The following RAB40B variants were observed in gnomAD, a reference collection of about 807,000 sequenced individuals.
RAB40B encodes RAB40B, member RAS oncogene family.
In RAB40B, 21 loss-of-function variants were observed where a neutral mutation model predicts 24.0. The observed-to-expected ratio is 0.88, with a 90% CI of 0.62 to 1.26. The LOEUF (loss-of-function observed/expected upper bound fraction) is 1.26. Ranked by LOEUF, RAB40B falls within the 50% of genes most tolerant of loss-of-function variation. The pLI, the probability that RAB40B is intolerant of heterozygous loss-of-function variation, is 0.00. For missense variants in RAB40B, 348 were observed against 390.5 expected (o/e 0.89, Z 0.92); for synonymous variants, 167 against 169.8 (o/e 0.98, Z 0.13).
chr17:82,670,851 G>A (rs961544441), intron 1 of RAB40B, among the ~76,000 whole-genome samples: 1 of 151,938 alleles, frequency 6.6e-6, no homozygotes, highest in Non-Finnish European at 1.5e-5. Context: ...GTCTTTTTAA[G>A]CGCCCTACGA....
Position 82,674,761 on chromosome 17 carries a change from C to T in RAB40B, c.143-10205G>A, listed in dbSNP as rs144596040. 1.4e-3 allele frequency among the ~76,000 whole-genome samples: 206 copies of T among 152,256 alleles called. 1 individual carries two copies. Among genetic ancestry groups the T allele is most frequent in the African/African-American group, 4.1e-3 (170 of 41,560 alleles). ...TCACTCTGGCATCGCAGGCAACGTT[C>T]GTATGGTTTGGAGTTGCTGCCGGCC... On this transcript the variant is annotated intron_variant, in intron 1 of 5. Transcript: ENST00000571995.
At chr17:82,674,068 C>T (rs113068696) in intron 1 of RAB40B, among the ~76,000 whole-genome samples, 2,001 of 152,312 alleles carry the variant, frequency 0.013, 53 homozygotes, top group African/African-American at 0.044. Context: ...TGGCCAGGCG[C>T]GGTGGCTCGC....
In RAB40B at chr17:82,661,124, C is replaced by T. The variant is rs1005230889; in HGVS notation, c.204-77G>A. The stretch of plus-strand genomic sequence containing the variant: ...AACAGGTTCTGGAACTTCAGAGCCA[C>T]AGCAAGTGCACCACACACCCGCCAG... On this transcript the variant is annotated intron_variant, in intron 2 of 5. Transcript: ENST00000571995. 4.2e-5 allele frequency: 64 copies of T among 1,536,758 alleles called. No individual in the cohort carries two copies. In the Middle Eastern group the frequency reaches 8.5e-4, roughly 20 times the overall value.
intron 4 of RAB40B, chr17:82,659,342 C>T (rs527431128): frequency 2.4e-5 from 13 of 534,256 alleles, no homozygotes; most frequent in Non-Finnish European, 4.0e-5. Context: ...CGAGGTACGC[C>T]GTGGACGCTC....
chr17:82,672,960 T>G (rs748773903), intron 1 of RAB40B, among the ~76,000 whole-genome samples: 58 of 152,076 alleles, frequency 3.8e-4, no homozygotes, highest in Admixed American at 3.3e-4. Flanking sequence ...TCCCAGCACT[T>G]TGGGAGGTCA....
intron 1 of RAB40B, among the ~76,000 whole-genome samples, chr17:82,695,828 T>A (rs1320439252): frequency 6.6e-6 from 1 of 152,202 alleles, no homozygotes; most frequent in Non-Finnish European, 1.5e-5. Context: ...ACACCCGTGA[T>A]ATCAGTTTTT....
At chr17:82,662,185 G>C (rs1305283170) in intron 2 of RAB40B, 3 of 985,344 alleles carry the variant, frequency 3.0e-6, no homozygotes, top group African/African-American at 1.7e-5. Flanking sequence ...TGGGGCTCCA[G>C]AGGGGACCAG....
chr17:82,683,927 C>T (rs1428786956), intron 1 of RAB40B, among the ~76,000 whole-genome samples: 1 of 151,584 alleles, frequency 6.6e-6, no homozygotes, highest in Non-Finnish European at 1.5e-5. Context: ...ATTAAAATTA[C>T]AATAAGATAC....
intron 2 of RAB40B, chr17:82,661,379 T>C: frequency 1.3e-6 from 1 of 760,026 alleles, no homozygotes; most frequent in Non-Finnish European, 1.7e-6. Flanking sequence ...CAGTAAGGAG[T>C]GTGGGTCTAC....
intron 1 of RAB40B, among the ~76,000 whole-genome samples, chr17:82,682,118 C>T (rs1456805055): frequency 2.3e-5 from 1 of 43,910 alleles, no homozygotes; most frequent in African/African-American, 5.8e-5. Context: ...CACACACACG[C>T]ATGCACACAC....
intron 1 of RAB40B, among the ~76,000 whole-genome samples, chr17:82,677,407 G>A (rs759471997): frequency 9.9e-5 from 15 of 152,118 alleles, no homozygotes; most frequent in Non-Finnish European, 1.9e-4. Context: ...GGTTTCTCCC[G>A]TCCCAACAGG....
At chr17:82,664,983 T>C (rs1405995246) in intron 1 of RAB40B, 4 of 183,370 alleles carry the variant, frequency 2.2e-5, no homozygotes, top group Non-Finnish European at 3.5e-5. Context: ...GGAACGGGGC[T>C]AAGGCAGCGG....
At position 82,697,735 on chromosome 17, in the gene RAB40B, C is replaced by T. The variant is rs1330454706; in HGVS notation, c.142+720G>A. Among the ~76,000 whole-genome samples, 1 of 152,200 alleles carries T rather than the reference C, an allele frequency of 6.6e-6. No homozygotes were observed. Among genetic ancestry groups the T allele is most frequent in the African/African-American group, 2.4e-5 (1 of 41,452 alleles). ...AGCCGTCCACCCCCTCGCCGGGCGC[C>T]GGCTTTCAAGCCTCAAACTTGGGGG... On this transcript the variant is annotated intron_variant, in intron 1 of 5. Transcript: ENST00000571995. The surrounding 1 kb of genome is among the most constrained non-coding windows in gnomAD (Gnocchi z 4.9).
intron 2 of RAB40B, among the ~76,000 whole-genome samples, 167 bp downstream of exon 2, chr17:82,664,329 G>A (rs1471519779): frequency 6.1e-5 from 9 of 146,974 alleles, no homozygotes; most frequent in Non-Finnish European, 1.2e-4. Context: ...GGTGCTCCCC[G>A]GGGTGCTGTG....
Position 82,657,585 on chromosome 17 carries a change from T to G in RAB40B, c.*278A>C. 1.9e-6 allele frequency: 1 copy of G among 538,146 alleles called. No individual in the cohort carries two copies. The highest frequency in any genetic ancestry group is 3.4e-6 in the Non-Finnish European group (1 of 290,724). 33.3% of individuals were successfully genotyped at this position (538,146 alleles called of 1,614,324 possible). On this transcript the variant is annotated 3_prime_UTR_variant, in exon 6 of 6. Coordinates refer to ENST00000571995, the MANE Select transcript of RAB40B (RefSeq NM_006822.3). Reference sequence around the variant, plus strand: ...TAAGGAAAAAGTTGCAGTGCAATCATGATAAAGTAACATTCAGAATTTCAT... The same window carrying G: ...TAAGGAAAAAGTTGCAGTGCAATCAGGATAAAGTAACATTCAGAATTTCAT...
At chr17:82,666,468 C>T (rs555389632) in intron 1 of RAB40B, among the ~76,000 whole-genome samples, 1 of 152,220 alleles carries the variant, frequency 6.6e-6, no homozygotes, top group South Asian at 2.1e-4. Flanking sequence ...TGGTCTTGAA[C>T]TCCTGACTTC....
chr17:82,657,766 C>A lies in RAB40B; in HGVS notation c.*97G>T. On this transcript the variant is annotated 3_prime_UTR_variant, in exon 6 of 6. Coordinates refer to ENST00000571995, the MANE Select transcript of RAB40B (RefSeq NM_006822.3). ...GCACACATTCGCAAGCAGCATTCGC[C>A]GAGAGGAACCGGGATCTGAGATGCA... 1 of 1,422,284 alleles carries A rather than the reference C, an allele frequency of 7.0e-7. No homozygotes were observed. The highest frequency in any genetic ancestry group is 1.1e-5 in the South Asian group (1 of 87,176). The allele number at this position is 1,422,284 out of a possible 1,614,324, so 88.1% of individuals were successfully genotyped here. A position where few individuals can be genotyped will look rare whatever the true frequency, so the allele number is the denominator to read the frequency against.
intron 3 of RAB40B, among the ~76,000 whole-genome samples, chr17:82,660,010 G>C (rs564900990): frequency 6.6e-6 from 1 of 152,194 alleles, no homozygotes; most frequent in Admixed American, 6.5e-5. Context: ...TGGAGCTCAC[G>C]CACACACAGG....
intron 1 of RAB40B, among the ~76,000 whole-genome samples, chr17:82,668,787 C>T (rs572825529): frequency 1.3e-5 from 2 of 152,258 alleles, no homozygotes; most frequent in Non-Finnish European, 2.9e-5. Flanking sequence ...CCCAGGGCAG[C>T]GGGCCGCGGC....
Sources: gnomAD v4.1 joint callset for allele counts (sites outside exome capture counted in the v4.1 genomes callset) on GRCh38, gnomAD v4.1.1 for gene constraint, Gnocchi (gnomAD v3.1) non-coding constraint, MANE v1.5 for transcripts, NCBI Gene and HGNC (gene_info 2026-07-23, HGNC 2026-07-21) for gene names.